ARHGEF26: variants seen among roughly 807,000 people sequenced by gnomAD.
The protein encoded by ARHGEF26 is Rho guanine nucleotide exchange factor (GEF) 26.
A neutral mutation model predicts 89.4 loss-of-function variants in ARHGEF26; 59 were observed. That is an observed-to-expected ratio of 0.66 (90% CI 0.54 to 0.82). The LOEUF (loss-of-function observed/expected upper bound fraction) is 0.82. Ranked by LOEUF, ARHGEF26 falls within the 40% of genes least tolerant of loss-of-function variation. The pLI is 0.00. For synonymous variants in ARHGEF26, 500 were observed against 428.4 expected (o/e 1.17, Z -2.06); for missense variants, 1,234 against 1,085.6 (o/e 1.14, Z -1.92).
rs892973659 is a variant in ARHGEF26 at position 154,203,767 on chromosome 3, T to C, written c.1845+9049T>C. 9.9e-5 allele frequency among the ~76,000 whole-genome samples: 15 copies of C among 152,260 alleles called. No individual in the cohort carries two copies. The East Asian group carries it at 2.5e-3, about 26-fold the overall frequency. ...TTTTTTGTTCTTCATTTGGTTGATATAATGTATTACACTGATTGGTTTGCC... is the reference window on the plus strand; with the variant it reads ...TTTTTTGTTCTTCATTTGGTTGATACAATGTATTACACTGATTGGTTTGCC... On this transcript the variant is annotated intron_variant, in intron 9 of 14. Coordinates refer to ENST00000465093, the MANE Select transcript of ARHGEF26 (RefSeq NM_015595.4).
intron 3 of ARHGEF26, among the ~76,000 whole-genome samples, chr3:154,126,174 G>A (rs962368679): frequency 6.6e-6 from 1 of 152,158 alleles, no homozygotes; most frequent in African/African-American, 2.4e-5. Flanking sequence ...TCAGAGACCA[G>A]TAAAATCTTG....
chr3:154,190,877 TG>T (rs1427382252), intron 7 of ARHGEF26, among the ~76,000 whole-genome samples: 1 of 152,190 alleles, frequency 6.6e-6, no homozygotes, highest in Non-Finnish European at 1.5e-5. Context: ...GCTGGAGAAG[TG>T]GCTTAAAACA....
At chr3:154,145,384 C>G (rs547341020) in intron 4 of ARHGEF26, among the ~76,000 whole-genome samples, 1 of 152,086 alleles carries the variant, frequency 6.6e-6, no homozygotes, top group Non-Finnish European at 1.5e-5. Context: ...AGAAAAGAAG[C>G]CTGTAAGTAG....
At chr3:154,172,635 A>G (rs764686349) in intron 6 of ARHGEF26, among the ~76,000 whole-genome samples, 1 of 152,234 alleles carries the variant, frequency 6.6e-6, no homozygotes, top group Non-Finnish European at 1.5e-5. Flanking sequence ...TAGAGGTTGC[A>G]GTGAGCCGAG....
intron 7 of ARHGEF26, 128 bp downstream of exon 7, chr3:154,187,965 G>C: frequency 1.0e-6 from 1 of 959,970 alleles, no homozygotes. Flanking sequence ...TCCCAGAGGA[G>C]AAATGTTTAA....
At chr3:154,161,764 A>G (rs1711676184) in intron 6 of ARHGEF26, among the ~76,000 whole-genome samples, 2 of 152,206 alleles carry the variant, frequency 1.3e-5, no homozygotes, top group Non-Finnish European at 2.9e-5. Flanking sequence ...CCATAATCAT[A>G]AAGAATTAAT....
rs1031625594 is a variant in ARHGEF26, at chr3:154,223,990, A to G, written c.1936-1866A>G. Among the ~76,000 whole-genome samples the G allele has an allele frequency of 2.6e-5, 4 of 152,216 alleles. No homozygotes were observed. In the South Asian group the frequency reaches 8.3e-4, roughly 32 times the overall value. Reference sequence around the variant, plus strand: ...CCAGGTAATAGAAAAAAAAAAATGAAATGTCTGTGCTCCATAGGCACAGAC... The same window carrying G: ...CCAGGTAATAGAAAAAAAAAAATGAGATGTCTGTGCTCCATAGGCACAGAC... On this transcript the variant is annotated intron_variant, in intron 10 of 14. Coordinates refer to ENST00000465093, the MANE Select transcript of ARHGEF26 (RefSeq NM_015595.4).
intron 4 of ARHGEF26, among the ~76,000 whole-genome samples, chr3:154,147,983 C>G (rs1036356121): frequency 2.0e-5 from 3 of 152,194 alleles, no homozygotes; most frequent in Non-Finnish European, 2.9e-5. Context: ...CTGAAATCTT[C>G]TTGCCTGTTC....
chr3:154,223,227 A>AT lies in ARHGEF26; in HGVS notation c.1936-2626dup, dbSNP rs569339860. On this transcript the variant is annotated intron_variant, in intron 10 of 14. Coordinates refer to ENST00000465093, the MANE Select transcript of ARHGEF26 (RefSeq NM_015595.4). Reference sequence around the variant, plus strand: ...TTGACAGAAGGCTTTGCTGGTTGCCATTTGGGGGCCTTGCTAACAATGGAA... The same window carrying AT: ...TTGACAGAAGGCTTTGCTGGTTGCCATTTTGGGGGCCTTGCTAACAATGGAA... Among the ~76,000 whole-genome samples the AT allele has an allele frequency of 5.9e-3, 904 of 152,280 alleles. 7 individuals are homozygous for AT. Among genetic ancestry groups the AT allele is most frequent in the African/African-American group, 0.02 (850 of 41,550 alleles).
rs1001753486 is a variant in ARHGEF26 at position 154,122,509 on chromosome 3, C to T, written c.517C>T (p.Pro173Ser). ...GTTGACTGCCAGCCCGGTGCCTTCG[C>T]CCACTGCAAATGGCCTTGCCGCTAA... The part of the protein sequence containing the change: ...TGLTASPVPS[P>S]TANGLAANND... Residue 173 changes from proline (P) to serine (S), a missense_variant, in exon 2 of 15, where the codon CCC becomes TCC. Coordinates refer to ENST00000465093, the MANE Select transcript of ARHGEF26 (RefSeq NM_015595.4). 6.2e-7 allele frequency: 1 copy of T among 1,613,284 alleles called. No individual in the cohort carries two copies. The highest frequency in any genetic ancestry group is 8.5e-7 in the Non-Finnish European group (1 of 1,179,838).
chr3:154,205,228 C>A (rs963225243), intron 9 of ARHGEF26, among the ~76,000 whole-genome samples: 4 of 152,056 alleles, frequency 2.6e-5, no homozygotes, highest in African/African-American at 9.7e-5. Context: ...TATCCTCTTG[C>A]TGAATTGACC....
chr3:154,253,144 C>T lies in ARHGEF26; in HGVS notation c.2329C>T (p.Leu777=). The change falls in exon 13 of 15, where the codon CTG becomes TTG. Residue 777 remains leucine (L), a synonymous_variant. Transcript: ENST00000465093. ...CGAGCGAGCCCGCTGGATAACTGCC[C>T]TGGGACACAGCAGCGGGAAGCCGCC... is the stretch of plus-strand genomic sequence containing the variant. ...QSERARWITA[L]GHSSGKPPAD... 2 of 1,614,024 alleles carry T rather than the reference C, an allele frequency of 1.2e-6. No individual in the cohort carries two copies. Among genetic ancestry groups the T allele is most frequent in the Non-Finnish European group, 8.5e-7 (1 of 1,179,884 alleles).
chr3:154,239,557 G>T (rs1457757277), intron 11 of ARHGEF26, among the ~76,000 whole-genome samples: 1 of 152,048 alleles, frequency 6.6e-6, no homozygotes, highest in Admixed American at 6.6e-5. Context: ...GAGACGCCTT[G>T]TTCTCTAGGG....
At chr3:154,223,934 C>G (rs1716300500) in intron 10 of ARHGEF26, among the ~76,000 whole-genome samples, 1 of 150,890 alleles carries the variant, frequency 6.6e-6, no homozygotes, top group Non-Finnish European at 1.5e-5. Flanking sequence ...AAATTAGTTA[C>G]ATTTTATGCC....
chr3:154,139,405 A>G (rs1719220488), intron 4 of ARHGEF26, among the ~76,000 whole-genome samples: 2 of 152,208 alleles, frequency 1.3e-5, no homozygotes, highest in East Asian at 3.8e-4. Context: ...TTTTGGACTT[A>G]TTCTCAACTA....
intron 9 of ARHGEF26, among the ~76,000 whole-genome samples, chr3:154,215,396 G>A (rs1187152196): frequency 6.9e-6 from 1 of 145,230 alleles, no homozygotes; most frequent in Admixed American, 6.9e-5. Context: ...CTCAGTCTGT[G>A]ATTTTTTTTT....
chr3:154,201,294 G>A (rs889273328), intron 9 of ARHGEF26, among the ~76,000 whole-genome samples: 2 of 151,798 alleles, frequency 1.3e-5, no homozygotes, highest in African/African-American at 4.8e-5. Flanking sequence ...GAGAATGATG[G>A]TTTCCAGCTT....
Position 154,124,463 on chromosome 3 carries a change from T to A in ARHGEF26, c.1123+14T>A, listed in dbSNP as rs1227299888. ...TTGATGGGGAAGGTAAGCATTTAAT[T>A]TTCCAAACTTTCATTGCTGTTTCAA... On this transcript the variant is annotated intron_variant, in intron 3 of 14. Coordinates refer to ENST00000465093, the MANE Select transcript of ARHGEF26 (RefSeq NM_015595.4). The A allele has an allele frequency of 1.3e-6, 2 of 1,538,230 alleles. No individual in the cohort carries two copies. The highest frequency in any genetic ancestry group is 8.7e-7 in the Non-Finnish European group (1 of 1,149,166).
chr3:154,124,644 A>T (rs1396038669), intron 3 of ARHGEF26, among the ~76,000 whole-genome samples, 195 bp downstream of exon 3: 7 of 152,040 alleles, frequency 4.6e-5, no homozygotes, highest in South Asian at 2.1e-4. Context: ...AGTTAATGGC[A>T]TTTTTTATAG....
Sources: allele counts gnomAD v4.1 joint callset (sites outside exome capture counted in the v4.1 genomes callset), GRCh38; gene constraint gnomAD v4.1.1; transcripts MANE v1.5; gene names NCBI Gene and HGNC (gene_info 2026-07-23, HGNC 2026-07-21).